GSG1L: variants seen among roughly 807,000 people sequenced by gnomAD.
GSG1L encodes germ cell-specific gene 1-like protein.
Under a neutral mutation model 42.1 loss-of-function variants are expected in GSG1L, and 24 were observed. The observed-to-expected ratio is 0.57, with a 90% CI of 0.41 to 0.80. The LOEUF is 0.80. Among genes scored for constraint, GSG1L ranks in the 30% least tolerant of loss-of-function variants. The probability of loss-of-function intolerance (pLI) is 0.00; values close to 1 mark genes in which losing one functional copy is unlikely to be tolerated. For synonymous variants in GSG1L, 215 were observed against 203.5 expected (o/e 1.06, Z -0.48); for missense variants, 445 against 472.2 (o/e 0.94, Z 0.53).
Position 28,046,341 on chromosome 16 carries a change from CTTTTTTTTTT to C in GSG1L, c.349+16725_349+16734del, listed in dbSNP as rs201480876. Reference sequence around the variant, plus strand: ...ACATGCATTGAGGAGGAAGTCCACTCTTTTTTTTTTTTTTTTTTTTTTTTTTTTCTGAGAC... The same window carrying C: ...ACATGCATTGAGGAGGAAGTCCACTCTTTTTTTTTTTTTTTTTTCTGAGAC... On this transcript the variant is annotated intron_variant, in intron 1 of 6. Transcript: ENST00000447459. Among the ~76,000 whole-genome samples the C allele has an allele frequency of 9.2e-5, 7 of 76,002 alleles. 1 individual carries two copies. Among genetic ancestry groups the C allele is most frequent in the Non-Finnish European group, 1.4e-4 (6 of 44,088 alleles). 49.9% of individuals were successfully genotyped at this position (76,002 alleles called of 152,430 possible).
chr16:27,815,403 C>G (rs1239729019), intron 5 of GSG1L, among the ~76,000 whole-genome samples: 1 of 152,196 alleles, frequency 6.6e-6, no homozygotes, highest in Non-Finnish European at 1.5e-5. Flanking sequence ...AGAAGCTGAG[C>G]AGATGCTGGC....
chr16:27,901,317 T>C lies in GSG1L; in HGVS notation c.398-16679A>G, dbSNP rs560929857. Among the ~76,000 whole-genome samples the C allele has an allele frequency of 2.0e-5, 3 of 152,278 alleles. No homozygotes were observed. The East Asian group carries it at 5.8e-4, about 29-fold the overall frequency. ...AAAAAATCTGTGATTTCGATTGGTG[T>C]CAAAGCCCCAGGTGCATCTAGCCCA... On this transcript the variant is annotated intron_variant, in intron 2 of 6. Transcript: ENST00000447459.
intron 2 of GSG1L, among the ~76,000 whole-genome samples, chr16:27,906,435 T>G (rs1033382815): frequency 1.3e-5 from 2 of 152,136 alleles, no homozygotes; most frequent in African/African-American, 4.8e-5. Context: ...GCCACCAGGC[T>G]CTGAAAAGCT....
chr16:27,981,969 T>C (rs2085331247), intron 1 of GSG1L, among the ~76,000 whole-genome samples: 1 of 152,216 alleles, frequency 6.6e-6, no homozygotes, highest in Non-Finnish European at 1.5e-5. Context: ...TTTCCACATC[T>C]GTAAAATGGT....
At chr16:27,937,985 C>G (rs536409249) in intron 2 of GSG1L, among the ~76,000 whole-genome samples, 4 of 152,234 alleles carry the variant, frequency 2.6e-5, no homozygotes, top group African/African-American at 9.6e-5. Flanking sequence ...AGCAGTGCAC[C>G]TGGTCACCCC....
At chr16:28,042,604 T>G (rs575703485) in intron 1 of GSG1L, among the ~76,000 whole-genome samples, 72 of 152,224 alleles carry the variant, frequency 4.7e-4, no homozygotes, top group African/African-American at 1.7e-3. Flanking sequence ...ACTCTATTTA[T>G]GAGCAAAGGG....
At chr16:27,949,452 T>C (rs2084926789) in intron 2 of GSG1L, among the ~76,000 whole-genome samples, 1 of 152,140 alleles carries the variant, frequency 6.6e-6, no homozygotes. Context: ...TGAAAGATTA[T>C]TAAGAATTTC....
rs530692990 is a variant in GSG1L, at chr16:27,911,015, AAAC to A, written c.398-26380_398-26378del. On this transcript the variant is annotated intron_variant, in intron 2 of 6. Coordinates refer to ENST00000447459, the MANE Select transcript of GSG1L (RefSeq NM_001109763.2). ...GTGACAGAGCAAGAACCTGTCTAAA[AAAC>A]AACAACAACAACAACAAAAATACAA... is the stretch of plus-strand genomic sequence containing the variant. Among the ~76,000 whole-genome samples the A allele has an allele frequency of 7.3e-3, 1,110 of 152,074 alleles. 13 individuals are homozygous for A. The highest frequency in any genetic ancestry group is 0.025 in the African/African-American group (1,050 of 41,462).
intron 3 of GSG1L, among the ~76,000 whole-genome samples, chr16:27,872,055 A>G (rs2083828320): frequency 6.6e-6 from 1 of 152,262 alleles, no homozygotes; most frequent in Non-Finnish European, 1.5e-5. Context: ...TGAATTAAAA[A>G]TCAGGAGTTA....
intron 3 of GSG1L, among the ~76,000 whole-genome samples, chr16:27,865,652 T>C (rs2083715717): frequency 7.2e-6 from 1 of 138,486 alleles, no homozygotes; most frequent in Non-Finnish European, 1.5e-5. Context: ...TGTGTGTATG[T>C]ATATATATAT....
chr16:27,913,581 C>T (rs949091140), intron 2 of GSG1L, among the ~76,000 whole-genome samples: 1 of 152,134 alleles, frequency 6.6e-6, no homozygotes, highest in African/African-American at 2.4e-5. Context: ...GCCATGCCTC[C>T]TGTTTTTGTA....
chr16:27,979,688 A>AGAGAGAGAGAG (rs1567542842), intron 1 of GSG1L, among the ~76,000 whole-genome samples: 1 of 27,778 alleles, frequency 3.6e-5, no homozygotes, highest in Non-Finnish European at 7.8e-5. Flanking sequence ...AGAAAGAAAG[A>AGAGAGAGAGAG]AGGAAGGAAG....
chr16:27,824,931 G>T (rs1443363228), intron 5 of GSG1L, among the ~76,000 whole-genome samples: 1 of 152,240 alleles, frequency 6.6e-6, no homozygotes, highest in Non-Finnish European at 1.5e-5. Flanking sequence ...GCAAACACTT[G>T]CTGAGTGCCC....
At position 27,865,564 on chromosome 16, in the gene GSG1L, T is replaced by C. The variant is rs1208142322; in HGVS notation, c.550+18922A>G. ...ATATATATATATATATATATATATATATATATATACACACACACATACATA... is the reference window on the plus strand; with the variant it reads ...ATATATATATATATATATATATATACATATATATACACACACACATACATA... On this transcript the variant is annotated intron_variant, in intron 3 of 6. Coordinates refer to ENST00000447459, the MANE Select transcript of GSG1L (RefSeq NM_001109763.2). Among the ~76,000 whole-genome samples, 35 of 19,532 alleles carry C rather than the reference T, an allele frequency of 1.8e-3. 1 individual carries two copies. The highest frequency in any genetic ancestry group is 6.8e-3 in the African/African-American group (16 of 2,340). The allele number at this position is 19,532 out of a possible 152,430, so 12.8% of individuals were successfully genotyped here.
At chr16:27,869,405 G>C (rs2083773606) in intron 3 of GSG1L, among the ~76,000 whole-genome samples, 1 of 151,286 alleles carries the variant, frequency 6.6e-6, no homozygotes, top group Non-Finnish European at 1.5e-5. Context: ...TGTCTCTCTT[G>C]TTCCTCCTTT....
chr16:27,863,140 A>G (rs2083674418), intron 3 of GSG1L: 1 of 152,146 alleles, frequency 6.6e-6, no homozygotes, highest in Admixed American at 6.5e-5. Flanking sequence ...TTTTGTTGTT[A>G]GGAAAATATA....
intron 1 of GSG1L, among the ~76,000 whole-genome samples, chr16:27,979,730 AGAAAAAGAAAGAAAGAAAG>A (rs2085300771): frequency 1.6e-5 from 1 of 62,256 alleles, no homozygotes; most frequent in African/African-American, 5.8e-5. Context: ...AAGGAAGGAA[AGAAAAAGAAAGAAAGAAAG>A]GAAAGAAAGA....
chr16:28,021,234 C>T (rs1443676231), intron 1 of GSG1L, among the ~76,000 whole-genome samples: 1 of 152,032 alleles, frequency 6.6e-6, no homozygotes, highest in East Asian at 1.9e-4. Context: ...TGGTGGAAGG[C>T]AGAAGGGGTG....
intron 2 of GSG1L, among the ~76,000 whole-genome samples, chr16:27,934,518 G>C (rs2084693377): frequency 6.6e-6 from 1 of 152,158 alleles, no homozygotes; most frequent in African/African-American, 2.4e-5. Flanking sequence ...CTGGGTGACA[G>C]AGTGAGACTC....
Sources: allele counts gnomAD v4.1 joint callset (sites outside exome capture counted in the v4.1 genomes callset), GRCh38; gene constraint gnomAD v4.1.1; transcripts MANE v1.5; gene names NCBI Gene and HGNC (gene_info 2026-07-23, HGNC 2026-07-21).